The following MTSS1 variants were observed in gnomAD, a reference collection of about 807,000 sequenced individuals.
MTSS1 encodes protein MTSS 1.
Under a neutral mutation model 79.0 loss-of-function variants are expected in MTSS1, and 18 were observed. The observed-to-expected ratio is 0.23, with a 90% confidence interval of 0.16 to 0.34. MTSS1 has a LOEUF of 0.34. Ranked by LOEUF, MTSS1 falls within the 10% of genes least tolerant of loss-of-function variation. The probability of loss-of-function intolerance (pLI) is 1.00; values close to 1 mark genes in which losing one functional copy is unlikely to be tolerated. For synonymous variants in MTSS1, 341 were observed against 368.6 expected (o/e 0.93, Z 0.86); for missense variants, 815 against 986.2 (o/e 0.83, Z 2.33).
rs139842273 is a variant in MTSS1, at chr8:124,683,269, A to T, written c.208+16257T>A. On this transcript the variant is annotated intron_variant, in intron 3 of 13. Transcript: ENST00000518547. This position sits in a 1 kb window ranked among gnomAD's most constrained non-coding sequence, Gnocchi z 4.5. ...CCACAATTTTAAAAAAATGAAATTT[A>T]AAAAATGGAAGAAAAACAATGACCC... Among the ~76,000 whole-genome samples the T allele has an allele frequency of 1.3e-5, 2 of 152,224 alleles. No individual in the cohort carries two copies. Among genetic ancestry groups the T allele is most frequent in the African/African-American group, 2.4e-5 (1 of 41,456 alleles).
chr8:124,651,720 G>A (rs1488040589), intron 3 of MTSS1, among the ~76,000 whole-genome samples: 4 of 152,284 alleles, frequency 2.6e-5, no homozygotes, highest in South Asian at 2.1e-4. Context: ...TGAAGAACTC[G>A]CTAATTCATC....
At chr8:124,659,963 C>T (rs1174905241) in intron 3 of MTSS1, among the ~76,000 whole-genome samples, 2 of 152,118 alleles carry the variant, frequency 1.3e-5, no homozygotes, top group Non-Finnish European at 2.9e-5. Flanking sequence ...TAAAACCAGA[C>T]CTTGTGATTC....
intron 3 of MTSS1, among the ~76,000 whole-genome samples, chr8:124,595,463 GCACTCCT>G (rs1281693889): frequency 6.6e-6 from 1 of 152,178 alleles, no homozygotes; most frequent in Non-Finnish European, 1.5e-5. Context: ...GAGGCTGCCT[GCACTCCT>G]TGGCTCGTGG....
chr8:124,652,727 G>C (rs1316183413), intron 3 of MTSS1, among the ~76,000 whole-genome samples: 1 of 151,306 alleles, frequency 6.6e-6, no homozygotes, highest in African/African-American at 2.4e-5. Context: ...CCCGGGAAGC[G>C]GAGGTTTCAG....
intron 3 of MTSS1, among the ~76,000 whole-genome samples, chr8:124,614,610 T>C (rs112511089): frequency 3.8e-4 from 58 of 152,362 alleles, no homozygotes; most frequent in African/African-American, 1.3e-3. Flanking sequence ...AAAGAAACAA[T>C]GTCATGAATG....
At chr8:124,574,467 G>A (rs529787520) in intron 6 of MTSS1, among the ~76,000 whole-genome samples, 106 of 152,294 alleles carry the variant, frequency 7.0e-4, no homozygotes, top group Non-Finnish European at 1.2e-3. Context: ...AGCCAGCCAC[G>A]GGCACAGCTA....
rs140086749 is a variant in MTSS1, at chr8:124,658,949, C to T, written c.208+40577G>A. On this transcript the variant is annotated intron_variant, in intron 3 of 13. Transcript: ENST00000518547. ...TCTGTTGTTTGCACCATCCAGGCTA[C>T]GGGCTTTTCTTTTAGGAGCCTCAAC... Among the ~76,000 whole-genome samples, 607 of 152,320 alleles carry T rather than the reference C, an allele frequency of 4.0e-3. 3 individuals are homozygous for T. The highest frequency in any genetic ancestry group is 0.014 in the African/African-American group (569 of 41,554).
chr8:124,722,189 C>A (rs181802410), intron 1 of MTSS1, among the ~76,000 whole-genome samples: 1 of 152,234 alleles, frequency 6.6e-6, no homozygotes, highest in African/African-American at 2.4e-5. Flanking sequence ...ATGACCAAGG[C>A]CAGATACGCC....
intron 3 of MTSS1, among the ~76,000 whole-genome samples, chr8:124,600,567 AGAGC>A (rs1260092003): frequency 6.6e-6 from 1 of 152,210 alleles, no homozygotes; most frequent in Non-Finnish European, 1.5e-5. Context: ...CCCATTAGGC[AGAGC>A]GGTGATGTAG....
rs528243111 is a variant in MTSS1, at chr8:124,728,055, G to C, written c.-100C>G. 6 of 1,016,236 alleles carry C rather than the reference G, an allele frequency of 5.9e-6. No homozygotes were observed. The South Asian group carries it at 9.1e-5, about 15-fold the overall frequency. The allele number at this position is 1,016,236 out of a possible 1,614,324, so 63.0% of individuals were successfully genotyped here. Reference sequence around the variant, plus strand: ...CCAGAAGGAATTTCACCTTCCGAGAGACCCACCTCGGACTCGCAGCCTCTT... The same window carrying C: ...CCAGAAGGAATTTCACCTTCCGAGACACCCACCTCGGACTCGCAGCCTCTT... On this transcript the variant is annotated 5_prime_UTR_variant, in exon 1 of 14. Coordinates refer to ENST00000518547, the MANE Select transcript of MTSS1 (RefSeq NM_014751.6). The surrounding 1 kb of genome is among the most constrained non-coding windows in gnomAD (Gnocchi z 6.1).
At chr8:124,581,773 A>T (rs529806966) in intron 6 of MTSS1, among the ~76,000 whole-genome samples, 2 of 152,354 alleles carry the variant, frequency 1.3e-5, no homozygotes, top group African/African-American at 4.8e-5. Context: ...TTTTTAATTC[A>T]CATTGATAGT....
At chr8:124,589,732 A>G (rs201955835) in intron 4 of MTSS1, 21 bp from the exon 5 acceptor site, 326 of 1,506,236 alleles carry the variant, frequency 2.2e-4, no homozygotes, top group Non-Finnish European at 2.8e-4. Flanking sequence ...GCGGGGGGGA[A>G]AAAGGGAGAA....
chr8:124,714,420 C>G (rs1258191334), intron 1 of MTSS1, among the ~76,000 whole-genome samples: 2 of 152,148 alleles, frequency 1.3e-5, no homozygotes, highest in Admixed American at 1.3e-4. Context: ...GTTATTTGCT[C>G]CTAAGCAATG....
intron 3 of MTSS1, among the ~76,000 whole-genome samples, chr8:124,665,764 G>A (rs1822941993): frequency 1.3e-5 from 2 of 152,096 alleles, no homozygotes; most frequent in African/African-American, 4.8e-5. Flanking sequence ...CTACTCAGGA[G>A]GCTGAGGCAG....
At chr8:124,607,700 G>C (rs887894701) in intron 3 of MTSS1, among the ~76,000 whole-genome samples, 1 of 152,072 alleles carries the variant, frequency 6.6e-6, no homozygotes, top group Non-Finnish European at 1.5e-5. Context: ...CTCCCAAATC[G>C]AGTCTCAGGT....
chr8:124,714,165 A>G (rs1457801607), intron 1 of MTSS1, among the ~76,000 whole-genome samples: 3 of 152,200 alleles, frequency 2.0e-5, no homozygotes, highest in Non-Finnish European at 4.4e-5. Flanking sequence ...CCAAGTTTTC[A>G]AAGGTGAAAA....
chr8:124,684,570 A>T (rs949888272), intron 3 of MTSS1, among the ~76,000 whole-genome samples: 1 of 149,540 alleles, frequency 6.7e-6, no homozygotes, highest in Admixed American at 6.6e-5. Flanking sequence ...AAACTTCAAC[A>T]TCATAAGAAA....
At chr8:124,726,136 A>G (rs1433549379) in intron 1 of MTSS1, among the ~76,000 whole-genome samples, 2 of 152,180 alleles carry the variant, frequency 1.3e-5, no homozygotes, top group Non-Finnish European at 2.9e-5. Flanking sequence ...GGAACCATGC[A>G]GGGGAAAAAA....
chr8:124,623,969 C>T (rs1409905798), intron 3 of MTSS1, among the ~76,000 whole-genome samples: 2 of 152,234 alleles, frequency 1.3e-5, no homozygotes, highest in African/African-American at 2.4e-5. Flanking sequence ...CTAAAACTCA[C>T]TGCCATCTTG....
Sources: gnomAD v4.1 joint callset for allele counts (sites outside exome capture counted in the v4.1 genomes callset) on GRCh38, gnomAD v4.1.1 for gene constraint, Gnocchi (gnomAD v3.1) non-coding constraint, MANE v1.5 for transcripts, NCBI Gene and HGNC (gene_info 2026-07-23, HGNC 2026-07-21) for gene names.